The following CPZ variants were observed in gnomAD, a reference collection of about 807,000 sequenced individuals.
CPZ encodes the protein VEZT/CPZ fusion.
CPZ carries 103 observed loss-of-function variants against 61.8 expected under a neutral mutation model. The ratio of observed to expected loss-of-function variants is 1.67; its 90% CI spans 1.42 to 1.96. The LOEUF (loss-of-function observed/expected upper bound fraction) is 1.96, where lower values mean the gene tolerates loss of function less well. Ranked by LOEUF, CPZ falls within the 30% of genes most tolerant of loss-of-function variation. The pLI is 0.00. For missense variants in CPZ, 1,461 were observed against 914.9 expected, an observed-to-expected ratio of 1.60 and a Z score of -7.70; for synonymous variants, 551 against 373.7, an observed-to-expected ratio of 1.47 and a Z score of -5.47.
Position 8,604,091 on chromosome 4 carries a change from C to T in CPZ, c.612C>T (p.Cys204=), listed in dbSNP as rs6852001. 386,906 of 1,607,018 alleles carry T rather than the reference C, an allele frequency of 0.24. 49,649 individuals are homozygous for T. The highest frequency in any genetic ancestry group is 0.27 in the East Asian group (11,894 of 44,610). The change falls in exon 4 of 11, where the codon TGC becomes TGT. Residue 204 remains cysteine, a synonymous_variant. Transcript: ENST00000360986. ...TGCTGAGGCGGACGGCCTCCCGCTG[C>T]GCCCACGTGGCCAGGACCTACAGCA... is the stretch of plus-strand genomic sequence containing the variant. ...VRVLRRTASR[C]AHVARTYSIG...
chr4:8,609,184 G>GCTCCCTCACTCATTCACTCACC (rs1577120139), intron 7 of CPZ, among the ~76,000 whole-genome samples: 4 of 109,406 alleles, frequency 3.7e-5, no homozygotes, highest in African/African-American at 6.5e-5. Context: ...ATTCACTCAG[G>GCTCCCTCACTCATTCACTCACC]CATTCACTCA....
chr4:8,610,496 T>G (rs1390435117), intron 7 of CPZ, among the ~76,000 whole-genome samples: 5 of 152,212 alleles, frequency 3.3e-5, no homozygotes, highest in African/African-American at 9.6e-5. Flanking sequence ...CACGGTGGGT[T>G]GGGTCAGGAG....
At chr4:8,607,642 C>T (rs1715151584) in intron 7 of CPZ, among the ~76,000 whole-genome samples, 1 of 152,166 alleles carries the variant, frequency 6.6e-6, no homozygotes, top group Admixed American at 6.5e-5. Flanking sequence ...CTGATCTCCC[C>T]GAGGCTGGCT....
intron 5 of CPZ, 76 bp from the exon 6 acceptor site, chr4:8,606,661 C>G: frequency 6.3e-7 from 1 of 1,579,866 alleles, no homozygotes; most frequent in Non-Finnish European, 8.7e-7. Flanking sequence ...ACCCTCAGCC[C>G]AGCGTGAGAC....
Position 8,607,412 on chromosome 4 carries a change from C to T in CPZ, c.1214C>T (p.Thr405Met), listed in dbSNP as rs371735226. 42 of 1,613,848 alleles carry T rather than the reference C, an allele frequency of 2.6e-5. No homozygotes were observed. Among genetic ancestry groups the T allele is most frequent in the Non-Finnish European group, 3.2e-5 (38 of 1,179,916 alleles). The change falls in exon 7 of 11, where the codon ACG becomes ATG. Residue 405 changes from threonine to methionine, a missense_variant. Physicochemically the swap from Thr to Met is moderately conservative, Grantham distance 81. Coordinates refer to ENST00000360986, the MANE Select transcript of CPZ (RefSeq NM_001014447.3). The stretch of plus-strand genomic sequence containing the variant: ...CAGGAGGAGAAGATGTTTTCTCCCA[C>T]GCCCGACGAGAAGGTGAGAGGGCTG... ...HPQEEKMFSPTPDEKMFKLLS... is the reference protein window; with the variant it reads ...HPQEEKMFSPMPDEKMFKLLS...
At chr4:8,614,306 G>A (rs1206644993) in intron 8 of CPZ, 53 bp from the exon 9 acceptor site, 2 of 1,578,024 alleles carry the variant, frequency 1.3e-6, no homozygotes, top group Non-Finnish European at 1.7e-6. Context: ...TGACGTCCCG[G>A]CTGTCTCTGT....
At chr4:8,595,646 C>T (rs1371487769) in intron 1 of CPZ, among the ~76,000 whole-genome samples, 1 of 152,242 alleles carries the variant, frequency 6.6e-6, no homozygotes, top group Non-Finnish European at 1.5e-5. Context: ...GTGGCCACAG[C>T]AGCACCCACT....
chr4:8,605,322 T>TCATCCATCCATCCATC (rs6148295), intron 4 of CPZ, among the ~76,000 whole-genome samples: 83,734 of 149,836 alleles, frequency 0.56, 24,333 homozygotes, highest in Admixed American at 0.68. Context: ...ATTCATTTAT[T>TCATCCATCCATCCATC]CATCCATCCA....
rs80320484 is a variant in CPZ, at chr4:8,617,884, G to T, written c.1504-545G>T. 2.3e-3 allele frequency among the ~76,000 whole-genome samples: 344 copies of T among 152,284 alleles called. 4 individuals are homozygous for T. The highest frequency in any genetic ancestry group is 7.8e-3 in the African/African-American group (325 of 41,574). On this transcript the variant is annotated intron_variant, in intron 9 of 10. Coordinates refer to ENST00000360986, the MANE Select transcript of CPZ (RefSeq NM_001014447.3). ...CCAGGGTGAAAACGTTGGAGCTGTG[G>T]GCGTGCAGGGAGCTTGTGTGTTCAG... is the stretch of plus-strand genomic sequence containing the variant.
intron 5 of CPZ, 98 bp from the exon 6 acceptor site, chr4:8,606,639 C>G (rs992756261): frequency 1.3e-6 from 2 of 1,481,764 alleles, no homozygotes; most frequent in East Asian, 2.3e-5. Flanking sequence ...GAAACCGCAG[C>G]CCCTGGCCTT....
At chr4:8,615,969 T>G (rs1716126373) in intron 9 of CPZ, among the ~76,000 whole-genome samples, 1 of 152,226 alleles carries the variant, frequency 6.6e-6, no homozygotes, top group South Asian at 2.1e-4. Flanking sequence ...AGTCCCATTC[T>G]TCTATGAGCT....
At chr4:8,607,467 T>A (rs776059080) in intron 7 of CPZ, 42 bp downstream of exon 7, 3 of 1,600,030 alleles carry the variant, frequency 1.9e-6, no homozygotes, top group Non-Finnish European at 2.6e-6. Flanking sequence ...GGAGACAGTG[T>A]GCGCGGTCCC....
intron 2 of CPZ, among the ~76,000 whole-genome samples, chr4:8,600,384 TC>T (rs1714485901): frequency 6.6e-6 from 1 of 152,120 alleles, no homozygotes; most frequent in African/African-American, 2.4e-5. Context: ...CGATGCCACA[TC>T]GGGAAAGTCC....
intron 8 of CPZ, among the ~76,000 whole-genome samples, chr4:8,613,758 T>C (rs958766947): frequency 2.0e-5 from 3 of 152,206 alleles, no homozygotes; most frequent in Non-Finnish European, 4.4e-5. Flanking sequence ...CTCTGAGGCC[T>C]TCTCGGCTGG....
chr4:8,604,248 C>T (rs537911447), intron 4 of CPZ, 60 bp downstream of exon 4: 13 of 1,433,838 alleles, frequency 9.1e-6, no homozygotes, highest in African/African-American at 5.7e-5. Flanking sequence ...TGGGCCGCTC[C>T]ACCTTCGGGT....
At position 8,606,738 on chromosome 4, in the gene CPZ, G is replaced by T; in HGVS notation, c.908G>T (p.Gly303Val). The change falls in exon 6 of 11, where the codon GGT becomes GTT. Residue 303 changes from glycine to valine, a missense_variant and splice_region_variant. By Grantham distance (109) the Gly-to-Val change is moderately radical (BLOSUM62 -3). Coordinates refer to ENST00000360986, the MANE Select transcript of CPZ (RefSeq NM_001014447.3). ...PDGYEVAAAE[G>V]AGYNGWTSGR... ...GTCGGGGGTTGGCCATGTTTTCAGG[G>T]TGCCGGCTACAACGGGTGGACGAGC... 1 of 1,614,140 alleles carries T rather than the reference G, an allele frequency of 6.2e-7. No homozygotes were observed.
rs1714763589 is a variant in CPZ at position 8,604,034 on chromosome 4, C to G, written c.555C>G (p.Phe185Leu). ...GGCTGCCGCCCACCTTCATCCGCTT[C>G]AGCCACCACTCCTACGCCCAGATGG... Reference protein sequence around the residue: ...PSGLPPTFIRFSHHSYAQMVR... With the variant: ...PSGLPPTFIRLSHHSYAQMVR... The change falls in exon 4 of 11, where the codon TTC becomes TTG. Residue 185 changes from phenylalanine (F) to leucine (L), a missense_variant. Phe to Leu is a conservative substitution (Grantham distance 22). Transcript: ENST00000360986. 5 of 1,612,200 alleles carry G rather than the reference C, an allele frequency of 3.1e-6. No homozygotes were observed. The highest frequency in any genetic ancestry group is 4.2e-6 in the Non-Finnish European group (5 of 1,179,858).
At chr4:8,595,403 C>G (rs1476853458) in intron 1 of CPZ, among the ~76,000 whole-genome samples, 1 of 152,230 alleles carries the variant, frequency 6.6e-6, no homozygotes, top group Non-Finnish European at 1.5e-5. Flanking sequence ...ATAGCCTAAC[C>G]AGCCACAGTC....
At chr4:8,608,738 G>GT (rs1471863239) in intron 7 of CPZ, among the ~76,000 whole-genome samples, 1 of 152,082 alleles carries the variant, frequency 6.6e-6, no homozygotes, top group Non-Finnish European at 1.5e-5. Flanking sequence ...TGAGGTGGCG[G>GT]TTTCCCAAAA....
Sources: gnomAD v4.1 joint callset for allele counts (sites outside exome capture counted in the v4.1 genomes callset) on GRCh38, gnomAD v4.1.1 for gene constraint, MANE v1.5 for transcripts, NCBI Gene and HGNC (gene_info 2026-07-23, HGNC 2026-07-21) for gene names.